NPAS3: variants seen among roughly 807,000 people sequenced by gnomAD.
NPAS3 encodes the protein neuronal PAS domain protein 3, also known as neuronal PAS domain-containing protein 3.
In NPAS3, 14 loss-of-function variants were observed where a neutral mutation model predicts 73.1. The observed-to-expected ratio is 0.19, with a 90% CI of 0.13 to 0.30. The LOEUF is 0.30. Among genes scored for constraint, NPAS3 ranks in the 10% least tolerant of loss-of-function variants. The pLI is 1.00. For missense variants in NPAS3, 1,096 were observed against 1,250.0 expected (o/e 0.88, Z 1.86); for synonymous variants, 620 against 541.5 (o/e 1.14, Z -2.01).
At chr14:33,435,318 G>T (rs894389127) in intron 4 of NPAS3, among the ~76,000 whole-genome samples, 2 of 152,050 alleles carry the variant, frequency 1.3e-5, no homozygotes, top group African/African-American at 4.8e-5. Context: ...TTGAATATTT[G>T]GGATATTTTA....
intron 3 of NPAS3, among the ~76,000 whole-genome samples, chr14:33,241,814 G>A (rs2048222637): frequency 6.6e-6 from 1 of 152,020 alleles, no homozygotes; most frequent in Non-Finnish European, 1.5e-5. Context: ...ATTAAACCAT[G>A]TTGTCTTGGA....
intron 6 of NPAS3, among the ~76,000 whole-genome samples, chr14:33,681,884 GACAA>G (rs148501715): frequency 6.6e-6 from 1 of 150,900 alleles, no homozygotes; most frequent in Non-Finnish European, 1.5e-5. Flanking sequence ...AAGGGTAAGT[GACAA>G]ACAGTGTAGT....
At chr14:33,580,505 G>A (rs944872699) in intron 5 of NPAS3, among the ~76,000 whole-genome samples, 3 of 152,130 alleles carry the variant, frequency 2.0e-5, no homozygotes, top group South Asian at 4.2e-4. Flanking sequence ...TTAAAGGCTG[G>A]TGAGAGCCTT....
intron 3 of NPAS3, among the ~76,000 whole-genome samples, chr14:33,355,788 C>A (rs2045311574): frequency 1.3e-5 from 2 of 152,168 alleles, no homozygotes; most frequent in African/African-American, 2.4e-5. Context: ...AATATTATAA[C>A]CTTGGAGAGG....
chr14:33,534,516 A>G (rs1417660920), intron 4 of NPAS3, among the ~76,000 whole-genome samples: 1 of 152,194 alleles, frequency 6.6e-6, no homozygotes, highest in Non-Finnish European at 1.5e-5. Flanking sequence ...TCAGTGGACA[A>G]GTATTTTCAA....
chr14:33,405,616 A>G (rs2047631135), intron 4 of NPAS3, among the ~76,000 whole-genome samples: 1 of 152,098 alleles, frequency 6.6e-6, no homozygotes, highest in Non-Finnish European at 1.5e-5. Context: ...TGTTCACAAT[A>G]TTTTGGGGGT....
chr14:32,965,887 C>A (rs2037133444), intron 1 of NPAS3, among the ~76,000 whole-genome samples: 1 of 151,812 alleles, frequency 6.6e-6, no homozygotes, highest in African/African-American at 2.4e-5. Context: ...AATCAATATA[C>A]AAAAAATTAG....
intron 4 of NPAS3, among the ~76,000 whole-genome samples, chr14:33,414,073 A>T (rs2138939605): frequency 6.6e-6 from 1 of 152,232 alleles, no homozygotes; most frequent in South Asian, 2.1e-4. Flanking sequence ...CCTTAGTTAG[A>T]GACTCAGGTT....
chr14:33,515,980 G>A (rs1028293424), intron 4 of NPAS3, among the ~76,000 whole-genome samples: 3 of 152,090 alleles, frequency 2.0e-5, no homozygotes, highest in African/African-American at 7.2e-5. Flanking sequence ...TGGTAGCTAA[G>A]CCCTATTTAA....
chr14:32,999,327 C>T (rs1450540706), intron 1 of NPAS3, among the ~76,000 whole-genome samples: 4 of 152,030 alleles, frequency 2.6e-5, no homozygotes, highest in Admixed American at 6.5e-5. Flanking sequence ...CTGGCTAACA[C>T]GGTGAAACCC....
chr14:33,060,475 C>T (rs2041057208), intron 2 of NPAS3, among the ~76,000 whole-genome samples: 1 of 152,152 alleles, frequency 6.6e-6, no homozygotes, highest in South Asian at 2.1e-4. Context: ...CCAAGTGTAA[C>T]CAAGATTGAG....
chr14:33,415,275 G>A (rs908678455), intron 4 of NPAS3, among the ~76,000 whole-genome samples: 10 of 152,080 alleles, frequency 6.6e-5, no homozygotes, highest in African/African-American at 1.9e-4. Context: ...ATTATAACAA[G>A]AATAAAAACT....
rs1417275853 is a variant in NPAS3 at position 33,559,451 on chromosome 14, C to T, written c.469-670C>T. 2.6e-5 allele frequency among the ~76,000 whole-genome samples: 4 copies of T among 152,078 alleles called. No homozygotes were observed. The East Asian group carries it at 5.8e-4, about 22-fold the overall frequency. Reference sequence around the variant, plus strand: ...AGCCTTTTTTTCTTTCATTTCATTACGATCTTTATTCCTGTTCAACTATTT... The same window carrying T: ...AGCCTTTTTTTCTTTCATTTCATTATGATCTTTATTCCTGTTCAACTATTT... On this transcript the variant is annotated intron_variant, in intron 4 of 11. Transcript: ENST00000356141.
At chr14:33,388,640 G>C (rs1325137562) in intron 4 of NPAS3, among the ~76,000 whole-genome samples, 1 of 152,078 alleles carries the variant, frequency 6.6e-6, no homozygotes, top group Non-Finnish European at 1.5e-5. Context: ...GATTGCAATG[G>C]AGAAGGAGCT....
chr14:33,756,967 C>T (rs1253524139), intron 7 of NPAS3, among the ~76,000 whole-genome samples: 3 of 152,080 alleles, frequency 2.0e-5, no homozygotes, highest in Non-Finnish European at 4.4e-5. Flanking sequence ...TTGATATCAC[C>T]CTTGAAGAAT....
chr14:33,335,030 T>TTGTGTGTG (rs777068522), intron 3 of NPAS3, among the ~76,000 whole-genome samples: 2,195 of 144,234 alleles, frequency 0.015, 62 homozygotes, highest in African/African-American at 0.051. Context: ...TGGTATTCCA[T>TTGTGTGTG]TGTGTGTGTG....
intron 9 of NPAS3, among the ~76,000 whole-genome samples, chr14:33,792,450 G>T (rs1480845944): frequency 6.6e-6 from 1 of 152,106 alleles, no homozygotes; most frequent in Non-Finnish European, 1.5e-5. Flanking sequence ...ATATGTTTAT[G>T]GATGTAATAG....
intron 2 of NPAS3, among the ~76,000 whole-genome samples, chr14:33,184,110 C>T (rs1439869375): frequency 2.0e-5 from 3 of 152,212 alleles, no homozygotes; most frequent in South Asian, 2.1e-4. Context: ...CAGTTTATAC[C>T]GTAGTCAGGA....
chr14:32,967,473 T>G (rs1347428505), intron 1 of NPAS3, among the ~76,000 whole-genome samples: 1 of 152,106 alleles, frequency 6.6e-6, no homozygotes, highest in Non-Finnish European at 1.5e-5. Flanking sequence ...AAGGTTCAAC[T>G]GTATAAAGAA....
Sources: gnomAD v4.1 joint callset for allele counts (sites outside exome capture counted in the v4.1 genomes callset) on GRCh38, gnomAD v4.1.1 for gene constraint, MANE v1.5 for transcripts, NCBI Gene and HGNC (gene_info 2026-07-23, HGNC 2026-07-21) for gene names.